PTH2R: variants seen among roughly 807,000 people sequenced by gnomAD.
The protein encoded by PTH2R is PTH2 receptor.
Under a neutral mutation model 60.3 loss-of-function variants are expected in PTH2R, and 59 were observed. That is an observed-to-expected ratio of 0.98 (90% CI 0.79 to 1.22). PTH2R has a LOEUF of 1.22. Among genes scored for constraint, PTH2R ranks in the 50% most tolerant of loss-of-function variants. The probability of loss-of-function intolerance (pLI) is 0.00; values close to 1 mark genes in which losing one functional copy is unlikely to be tolerated. For synonymous variants in PTH2R, 256 were observed against 243.8 expected, an observed-to-expected ratio of 1.05 and a Z score of -0.47; for missense variants, 749 against 682.6, an observed-to-expected ratio of 1.10 and a Z score of -1.08.
chr2:208,388,134 C>CG (rs897898143), intron 1 of PTH2R, among the ~76,000 whole-genome samples: 3 of 110,402 alleles, frequency 2.7e-5, no homozygotes, highest in Non-Finnish European at 5.7e-5. Flanking sequence ...ATGGTGAAAC[C>CG]CCCCCCCCCG....
intron 9 of PTH2R, among the ~76,000 whole-genome samples, chr2:208,467,561 T>A (rs1206049791): frequency 6.6e-6 from 1 of 152,192 alleles, no homozygotes; most frequent in Non-Finnish European, 1.5e-5. Context: ...CAATACTATA[T>A]GCTACACATG....
chr2:208,430,900 A>G (rs1053541093), intron 2 of PTH2R, among the ~76,000 whole-genome samples: 2 of 151,806 alleles, frequency 1.3e-5, no homozygotes, highest in Non-Finnish European at 2.9e-5. Context: ...TTTAACATTG[A>G]TATTCTGCAG....
At chr2:208,460,715 CT>C (rs1702616744) in intron 9 of PTH2R, among the ~76,000 whole-genome samples, 1 of 152,228 alleles carries the variant, frequency 6.6e-6, no homozygotes, top group Non-Finnish European at 1.5e-5. Flanking sequence ...GCATCAGCTT[CT>C]TTTGGGTTGT....
At chr2:208,391,912 G>A (rs1408406897) in intron 1 of PTH2R, among the ~76,000 whole-genome samples, 1 of 152,162 alleles carries the variant, frequency 6.6e-6, no homozygotes, top group Non-Finnish European at 1.5e-5. Context: ...TTGGGGCACA[G>A]AGCAGTATAT....
intron 12 of PTH2R, among the ~76,000 whole-genome samples, chr2:208,490,958 A>AAGT (rs1703391530): frequency 6.6e-6 from 1 of 152,230 alleles, no homozygotes; most frequent in Admixed American, 6.5e-5. Flanking sequence ...GACAGTGAAC[A>AAGT]TCATATTCTG....
intron 6 of PTH2R, among the ~76,000 whole-genome samples, chr2:208,443,777 A>C (rs1314111967): frequency 6.6e-6 from 1 of 152,166 alleles, no homozygotes; most frequent in East Asian, 1.9e-4. Context: ...GAAACTGCAA[A>C]ATGCACAAGA....
chr2:208,391,280 T>C (rs1701103918), intron 1 of PTH2R, among the ~76,000 whole-genome samples: 1 of 152,238 alleles, frequency 6.6e-6, no homozygotes, highest in East Asian at 1.9e-4. Flanking sequence ...CCATACAGCA[T>C]CTTAAAAGGG....
chr2:208,426,355 A>G (rs1701857822), intron 1 of PTH2R, among the ~76,000 whole-genome samples: 1 of 152,242 alleles, frequency 6.6e-6, no homozygotes, highest in Admixed American at 6.5e-5. Flanking sequence ...TTGGAGAACT[A>G]GACATTGAAA....
At chr2:208,457,743 T>G (rs535699552) in intron 8 of PTH2R, among the ~76,000 whole-genome samples, 13 of 152,324 alleles carry the variant, frequency 8.5e-5, no homozygotes, top group Non-Finnish European at 1.5e-4. Context: ...TCTCAATGGC[T>G]GTCTTTTTAT....
At chr2:208,381,996 C>T (rs1700923797) in intron 1 of PTH2R, among the ~76,000 whole-genome samples, 1 of 152,104 alleles carries the variant, frequency 6.6e-6, no homozygotes, top group Non-Finnish European at 1.5e-5. Context: ...CTCAAAAGCT[C>T]ACATGTAGCT....
chr2:208,379,513 G>A (rs200821467), intron 1 of PTH2R, among the ~76,000 whole-genome samples: 13 of 152,128 alleles, frequency 8.5e-5, no homozygotes, highest in Non-Finnish European at 1.3e-4. Flanking sequence ...TCAAAAAGGC[G>A]AAGCAATGAA....
chr2:208,402,084 C>G (rs1198357161), upstream of PTH2R, among the ~76,000 whole-genome samples: 2 of 152,184 alleles, frequency 1.3e-5, no homozygotes, highest in Non-Finnish European at 2.9e-5. Context: ...GTTCCTGCTA[C>G]TCCTCACTTT....
intron 1 of PTH2R, among the ~76,000 whole-genome samples, chr2:208,377,104 T>C (rs1700807545): frequency 1.3e-5 from 2 of 151,986 alleles, no homozygotes; most frequent in South Asian, 2.1e-4. Context: ...CAAGCATCTG[T>C]TTAACAAAGC....
intron 1 of PTH2R, among the ~76,000 whole-genome samples, chr2:208,395,566 A>G (rs1701193697): frequency 6.6e-6 from 1 of 152,186 alleles, no homozygotes; most frequent in Admixed American, 6.5e-5. Context: ...GCCTAACAGG[A>G]TTACTTTTCT....
At chr2:208,366,249 T>C (rs1700590744) in intron 1 of PTH2R, among the ~76,000 whole-genome samples, 2 of 151,920 alleles carry the variant, frequency 1.3e-5, no homozygotes, top group Non-Finnish European at 2.9e-5. Flanking sequence ...ATATCTTCTA[T>C]TTCTTCATGA....
intron 1 of PTH2R, among the ~76,000 whole-genome samples, chr2:208,427,080 G>T (rs1701871159): frequency 6.6e-6 from 1 of 151,990 alleles, no homozygotes; most frequent in Admixed American, 6.6e-5. Flanking sequence ...TGGCACAAGG[G>T]GTGATTTGAA....
At chr2:208,426,226 A>G (rs1701855115) in intron 1 of PTH2R, among the ~76,000 whole-genome samples, 1 of 152,212 alleles carries the variant, frequency 6.6e-6, no homozygotes, top group Admixed American at 6.5e-5. Context: ...GCTATCAAAT[A>G]TGTGACAGAT....
At chr2:208,413,858 A>G in intron 1 of PTH2R, among the ~76,000 whole-genome samples, 2 of 152,158 alleles carry the variant, frequency 1.3e-5, no homozygotes, top group East Asian at 3.9e-4. Flanking sequence ...CTTGCAGACT[A>G]AGAGTATTTA....
At chr2:208,391,813 G>C (rs559472191) in intron 1 of PTH2R, among the ~76,000 whole-genome samples, 2 of 152,310 alleles carry the variant, frequency 1.3e-5, no homozygotes, top group Non-Finnish European at 2.9e-5. Flanking sequence ...AGGTTCTGCA[G>C]AGCTGGGCCT....
Sources: gnomAD v4.1 joint callset for allele counts (sites outside exome capture counted in the v4.1 genomes callset) on GRCh38, gnomAD v4.1.1 for gene constraint, MANE v1.5 for transcripts, NCBI Gene and HGNC (gene_info 2026-07-23, HGNC 2026-07-21) for gene names.